BRAF: variants seen among roughly 807,000 people sequenced by gnomAD.
The protein encoded by BRAF is serine/threonine-protein kinase B-raf.
BRAF carries 16 observed loss-of-function variants against 104.6 expected under a neutral mutation model. The observed-to-expected ratio is 0.15, with a 90% CI of 0.10 to 0.23. The LOEUF is 0.23. Ranked by LOEUF, BRAF falls within the 10% of genes least tolerant of loss-of-function variation. The probability of loss-of-function intolerance (pLI) is 1.00; values close to 1 mark genes in which losing one functional copy is unlikely to be tolerated. For missense variants in BRAF, 541 were observed against 937.3 expected (o/e 0.58, Z 5.52); for synonymous variants, 310 against 341.6 (o/e 0.91, Z 1.02).
chr7:140,729,420 G>A (rs1188818948), intron 19 of BRAF, among the ~76,000 whole-genome samples: 1 of 151,562 alleles, frequency 6.6e-6, no homozygotes. Context: ...GGAGGAGGGT[G>A]GATCATCTGA....
At chr7:140,787,449 CTG>C in intron 9 of BRAF, 97 bp downstream of exon 9, 1 of 1,294,066 alleles carries the variant, frequency 7.7e-7, no homozygotes, top group Non-Finnish European at 1.1e-6. Flanking sequence ...ACATTTTTCT[CTG>C]TGTCTGTTAC....
intron 16 of BRAF, among the ~76,000 whole-genome samples, chr7:140,751,153 C>G (rs1002319179): frequency 6.6e-6 from 1 of 151,858 alleles, no homozygotes; most frequent in African/African-American, 2.4e-5. Flanking sequence ...AAGGAGAAAC[C>G]CATTTACACA....
chr7:140,907,768 C>G lies in BRAF; in HGVS notation c.138+16798G>C, dbSNP rs569556127. Among the ~76,000 whole-genome samples the G allele has an allele frequency of 1.1e-4, 16 of 148,912 alleles. No individual in the cohort carries two copies. In the South Asian group the frequency reaches 1.5e-3, roughly 14 times the overall value. ...GTAACTTTTTTTTTTTTTTGAGACA[C>G]AGTTTCACTCTTATAGGCCAGGCTG... On this transcript the variant is annotated intron_variant, in intron 1 of 19. Transcript: ENST00000644969.
chr7:140,717,393 C>T (rs190139045), downstream of BRAF, among the ~76,000 whole-genome samples: 1 of 152,110 alleles, frequency 6.6e-6, no homozygotes, highest in Non-Finnish European at 1.5e-5. Flanking sequence ...CAGTCTCCCC[C>T]GACCTCAGCT....
intron 3 of BRAF, among the ~76,000 whole-genome samples, chr7:140,810,811 C>G (rs1804181331): frequency 1.3e-5 from 2 of 152,358 alleles, no homozygotes; most frequent in South Asian, 4.1e-4. Flanking sequence ...TCGCCTAATG[C>G]ATGCACCTCT....
In BRAF at chr7:140,863,434, G is replaced by A. The variant is rs1329861272; in HGVS notation, c.139-13222C>T. ...GGTTATGAAGGATCCTGAAAGCCAC[G>A]GTAAGTAGAGTTTTAATTTTATTCT... is the stretch of plus-strand genomic sequence containing the variant. On this transcript the variant is annotated intron_variant, in intron 1 of 19. Transcript: ENST00000644969. Among the ~76,000 whole-genome samples, 3 of 152,252 alleles carry A rather than the reference G, an allele frequency of 2.0e-5. No individual in the cohort carries two copies. In the South Asian group the frequency reaches 6.2e-4, roughly 32 times the overall value.
intron 17 of BRAF, among the ~76,000 whole-genome samples, chr7:140,747,899 T>C: frequency 6.6e-6 from 1 of 152,222 alleles, no homozygotes; most frequent in East Asian, 1.9e-4. Context: ...CCATCCTGAA[T>C]CTAAGTTTCC....
At position 140,924,520 on chromosome 7, in the gene BRAF, G is replaced by A. The variant is rs1040880967; in HGVS notation, c.138+46C>T. On this transcript the variant is annotated intron_variant, in intron 1 of 19. Transcript: ENST00000644969. This position sits in a 1 kb window ranked among gnomAD's most constrained non-coding sequence, Gnocchi z 4.2. The stretch of plus-strand genomic sequence containing the variant: ...TTTCCAAAATAAACACCAGCCAGCC[G>A]CCGAGCCCGGAGTCGGGAGGGCGGC... 3 of 1,532,744 alleles carry A rather than the reference G, an allele frequency of 2.0e-6. No homozygotes were observed. The highest frequency in any genetic ancestry group is 1.2e-5 in the South Asian group (1 of 83,998). 94.9% of individuals were successfully genotyped at this position (1,532,744 alleles called of 1,614,324 possible).
At chr7:140,902,960 T>C (rs1419548871) in intron 1 of BRAF, among the ~76,000 whole-genome samples, 4 of 151,036 alleles carry the variant, frequency 2.6e-5, no homozygotes, top group Non-Finnish European at 4.4e-5. Flanking sequence ...GTTTCGCTCT[T>C]TTTGCCTAGG....
In BRAF at chr7:140,904,086, A is replaced by C. The variant is rs1174049769; in HGVS notation, c.138+20480T>G. Among the ~76,000 whole-genome samples, 4 of 152,358 alleles carry C rather than the reference A, an allele frequency of 2.6e-5. No individual in the cohort carries two copies. The East Asian group carries it at 7.7e-4, about 29-fold the overall frequency. On this transcript the variant is annotated intron_variant, in intron 1 of 19. Coordinates refer to ENST00000644969, the MANE Select transcript of BRAF (RefSeq NM_001374258.1). ...GAATTAGTTGATGAAGCACTGGCAGATCTGAGAGGACTGACTCTAATTTTA... is the reference window on the plus strand; with the variant it reads ...GAATTAGTTGATGAAGCACTGGCAGCTCTGAGAGGACTGACTCTAATTTTA...
At chr7:140,866,274 G>C (rs1235433075) in intron 1 of BRAF, among the ~76,000 whole-genome samples, 2 of 152,082 alleles carry the variant, frequency 1.3e-5, no homozygotes, top group African/African-American at 4.8e-5. Flanking sequence ...TACAACTCCT[G>C]GTCATAACTT....
intron 3 of BRAF, among the ~76,000 whole-genome samples, chr7:140,833,557 T>A (rs1807014386): frequency 6.6e-6 from 1 of 152,218 alleles, no homozygotes; most frequent in Non-Finnish European, 1.5e-5. Flanking sequence ...AATTTTAATT[T>A]TATTCTACCC....
chr7:140,807,509 C>T (rs1057227618), intron 5 of BRAF, among the ~76,000 whole-genome samples: 1 of 151,396 alleles, frequency 6.6e-6, no homozygotes, highest in African/African-American at 2.4e-5. Flanking sequence ...CATAGCATGG[C>T]TCTACTTTGA....
chr7:140,907,952 C>T (rs1467191571), intron 1 of BRAF, among the ~76,000 whole-genome samples: 1 of 151,892 alleles, frequency 6.6e-6, no homozygotes, highest in Non-Finnish European at 1.5e-5. Context: ...ACCATGTTGG[C>T]CAGGCTGGTC....
chr7:140,740,123 A>G, intron 17 of BRAF, 177 bp from the exon 17 acceptor site: 1 of 632,138 alleles, frequency 1.6e-6, no homozygotes, highest in Non-Finnish European at 2.7e-6. Flanking sequence ...AAACCCACAA[A>G]AGGAGTGCAA....
At chr7:140,798,272 C>CTTTTTCTTTTT (rs1554402872) in intron 7 of BRAF, among the ~76,000 whole-genome samples, 5 of 115,624 alleles carry the variant, frequency 4.3e-5, no homozygotes, top group African/African-American at 1.8e-4. Flanking sequence ...CTTTTTTTTT[C>CTTTTTCTTTTT]TTTTTTTTGA....
intron 19 of BRAF, among the ~76,000 whole-genome samples, chr7:140,728,128 GTGAC>G (rs1393819047): frequency 2.6e-5 from 4 of 152,150 alleles, no homozygotes; most frequent in African/African-American, 7.2e-5. Context: ...GATAGTATTA[GTGAC>G]TGACTGAGTG....
chr7:140,787,482 G>A, intron 9 of BRAF, 66 bp downstream of exon 9: 1 of 1,489,098 alleles, frequency 6.7e-7, no homozygotes, highest in Non-Finnish European at 9.4e-7. Context: ...CAAGTATAAA[G>A]GAAATAAGCA....
At chr7:140,897,045 T>C (rs1386974938) in intron 1 of BRAF, among the ~76,000 whole-genome samples, 3 of 152,070 alleles carry the variant, frequency 2.0e-5, no homozygotes, top group African/African-American at 7.2e-5. Flanking sequence ...TTTACAGAAT[T>C]TGACAACCTA....
Sources: gnomAD v4.1 joint callset for allele counts (sites outside exome capture counted in the v4.1 genomes callset) on GRCh38, gnomAD v4.1.1 for gene constraint, Gnocchi (gnomAD v3.1) non-coding constraint, MANE v1.5 for transcripts, NCBI Gene and HGNC (gene_info 2026-07-23, HGNC 2026-07-21) for gene names.